NOL4L: variants seen among roughly 807,000 people sequenced by gnomAD.
NOL4L encodes nucleolar protein 4 like.
A neutral mutation model predicts 64.5 loss-of-function variants in NOL4L; 7 were observed. That is an observed-to-expected ratio of 0.11 (90% CI 0.06 to 0.20). The LOEUF (loss-of-function observed/expected upper bound fraction) is 0.20, where lower values mean the gene tolerates loss of function less well. Among genes scored for constraint, NOL4L ranks in the 10% least tolerant of loss-of-function variants. NOL4L has a pLI of 1.00. For missense variants in NOL4L, 680 were observed against 967.1 expected (o/e 0.70, Z 3.94); for synonymous variants, 413 against 401.0 (o/e 1.03, Z -0.36).
chr20:32,551,378 AATCATC>A (rs58444321), intron 1 of NOL4L, among the ~76,000 whole-genome samples: 53,641 of 149,438 alleles, frequency 0.36, 10,782 homozygotes, highest in East Asian at 0.62. Context: ...TCGGTCTCAA[AATCATC>A]ATCATCATCA....
rs1260282945 is a variant in NOL4L, at chr20:32,494,276, AAAAAAAC to A, written c.699+17064_699+17070del. ...GGGAAAAAAAAAAAAAAAAAAAAAA[AAAAAAAC>A]ACACAACACACACACACACACAAAC... On this transcript the variant is annotated intron_variant, in intron 4 of 10. Coordinates refer to ENST00000621426, the MANE Select transcript of NOL4L (RefSeq NM_001256798.2). Among the ~76,000 whole-genome samples the A allele has an allele frequency of 1.9e-3, 161 of 85,146 alleles. 14 individuals are homozygous for A. Among genetic ancestry groups the A allele is most frequent in the African/African-American group, 5.2e-3 (142 of 27,164 alleles). 55.9% of individuals were successfully genotyped at this position (85,146 alleles called of 152,430 possible). A position where few individuals can be genotyped will look rare whatever the true frequency, so the allele number is the denominator to read the frequency against.
intron 1 of NOL4L, among the ~76,000 whole-genome samples, chr20:32,544,305 C>T (rs759321614): frequency 9.7e-6 from 1 of 102,882 alleles, no homozygotes; most frequent in Admixed American, 1.1e-4. Flanking sequence ...AGGCAGGGGG[C>T]GGGTGGAGAA....
intron 4 of NOL4L, among the ~76,000 whole-genome samples, chr20:32,501,277 G>A (rs926144769): frequency 6.6e-6 from 1 of 152,166 alleles, no homozygotes; most frequent in Non-Finnish European, 1.5e-5. Flanking sequence ...AGAGAAAAAT[G>A]TCAAATTTCT....
intron 4 of NOL4L, among the ~76,000 whole-genome samples, chr20:32,495,196 C>A (rs1372649705): frequency 1.3e-5 from 2 of 152,248 alleles, no homozygotes; most frequent in Non-Finnish European, 2.9e-5. Context: ...ACTTCCTCAG[C>A]CACAGGAGTA....
At chr20:32,576,846 G>A (rs938974734) in intron 1 of NOL4L, among the ~76,000 whole-genome samples, 1 of 152,224 alleles carries the variant, frequency 6.6e-6, no homozygotes, top group Admixed American at 6.5e-5. Context: ...CCAGGTGGGA[G>A]GGCAGCCTTG....
At chr20:32,541,248 T>G (rs1441555477) in intron 1 of NOL4L, among the ~76,000 whole-genome samples, 1 of 152,140 alleles carries the variant, frequency 6.6e-6, no homozygotes, top group Non-Finnish European at 1.5e-5. Context: ...ACTCGACAAC[T>G]ATTTCAAAAC....
intron 10 of NOL4L, chr20:32,449,907 CCT>C (rs2012707875): frequency 6.6e-6 from 1 of 152,412 alleles, no homozygotes. Flanking sequence ...TTTCTTTTCT[CCT>C]CTCCCCAAGT....
chr20:32,511,834 G>A (rs1371399921), intron 3 of NOL4L, among the ~76,000 whole-genome samples: 17 of 152,014 alleles, frequency 1.1e-4, no homozygotes, highest in Admixed American at 2.0e-4. Flanking sequence ...GGGAGATCTC[G>A]TCTTTACAAA....
At position 32,456,223 on chromosome 20, in the gene NOL4L, C is replaced by G; in HGVS notation, c.1014G>C (p.Lys338Asn). Reference sequence around the variant, plus strand: ...TGCCAAGTGCCGTGGCCGGCGGGAGCTTGTCACACAGGTTGATGGGCTGAT... The same window carrying G: ...TGCCAAGTGCCGTGGCCGGCGGGAGGTTGTCACACAGGTTGATGGGCTGAT... ...AEDQPINLCD[K>N]LPPATALGTA... Residue 338 changes from lysine to asparagine, a missense_variant, in exon 6 of 11, where the codon AAG becomes AAC. Lys to Asn is a moderately conservative substitution (Grantham distance 94). Around this residue, in one of 4 missense-constraint regions of NOL4L, gnomAD observed 254 missense variants for 238.7 expected, o/e 1.06. Coordinates refer to ENST00000621426, the MANE Select transcript of NOL4L (RefSeq NM_001256798.2). The G allele has an allele frequency of 6.2e-7, 1 of 1,609,018 alleles. No individual in the cohort carries two copies. The highest frequency in any genetic ancestry group is 1.1e-5 in the South Asian group (1 of 90,180).
Position 32,459,532 on chromosome 20 carries a change from C to T in NOL4L, c.842-3137G>A, listed in dbSNP as rs534163197. ...CCAAGTTGCTGGGATTACAGGCGCCCGCCACCATATTCAGCTAATTTTGTG... is the reference window on the plus strand; with the variant it reads ...CCAAGTTGCTGGGATTACAGGCGCCTGCCACCATATTCAGCTAATTTTGTG... On this transcript the variant is annotated intron_variant, in intron 5 of 10. Coordinates refer to ENST00000621426, the MANE Select transcript of NOL4L (RefSeq NM_001256798.2). Among the ~76,000 whole-genome samples the T allele has an allele frequency of 3.3e-5, 5 of 151,838 alleles. No homozygotes were observed. The East Asian group carries it at 7.8e-4, about 24-fold the overall frequency.
intron 4 of NOL4L, among the ~76,000 whole-genome samples, chr20:32,497,910 G>A (rs139437337): frequency 1.7e-4 from 26 of 152,316 alleles, no homozygotes; most frequent in Admixed American, 1.0e-3. Context: ...CACACAAAGC[G>A]TCCCGAGGCC....
rs1043494372 is a variant in NOL4L at position 32,481,091 on chromosome 20, C to G, written c.700-6349G>C. 3.3e-5 allele frequency among the ~76,000 whole-genome samples: 5 copies of G among 152,232 alleles called. No homozygotes were observed. The South Asian group carries it at 1.0e-3, about 31-fold the overall frequency. On this transcript the variant is annotated intron_variant, in intron 4 of 10. Coordinates refer to ENST00000621426, the MANE Select transcript of NOL4L (RefSeq NM_001256798.2). ...TCACTCACACGCACACTGTGTCTGTCAGAAGCGTATTCCCATCTACATGTG... is the reference window on the plus strand; with the variant it reads ...TCACTCACACGCACACTGTGTCTGTGAGAAGCGTATTCCCATCTACATGTG...
At chr20:32,509,965 T>A (rs765271230) in intron 4 of NOL4L, 64 of 1,301,130 alleles carry the variant, frequency 4.9e-5, no homozygotes, top group Non-Finnish European at 1.5e-5. Flanking sequence ...GGCCACAGAT[T>A]GCTCTTCAGT....
intron 10 of NOL4L, 93 bp downstream of exon 10, chr20:32,452,143 G>T: frequency 1.7e-6 from 2 of 1,182,052 alleles, no homozygotes; most frequent in Non-Finnish European, 2.2e-6. Flanking sequence ...ACTGGCCTCT[G>T]CTTCCCTCTC....
intron 4 of NOL4L, among the ~76,000 whole-genome samples, chr20:32,488,805 T>TC (rs377521629): frequency 3.3e-5 from 1 of 30,204 alleles, no homozygotes; most frequent in South Asian, 1.0e-3. Flanking sequence ...CTTTCTTTCT[T>TC]TTTCTTTCTT....
chr20:32,494,283 CA>C (rs1249012238), intron 4 of NOL4L, among the ~76,000 whole-genome samples: 680 of 67,182 alleles, frequency 0.01, 39 homozygotes, highest in African/African-American at 0.046. Context: ...AAAAAAAAAA[CA>C]CACAACACAC....
At chr20:32,542,285 C>T (rs1388753814) in intron 1 of NOL4L, among the ~76,000 whole-genome samples, 1 of 152,252 alleles carries the variant, frequency 6.6e-6, no homozygotes. Context: ...TACAGCATGA[C>T]ATTTGAGAGC....
rs1029367131 is a variant in NOL4L, at chr20:32,541,662, TGGCCTTTGTTCCTG to T, written c.322-13763_322-13750del. 3.9e-5 allele frequency among the ~76,000 whole-genome samples: 6 copies of T among 152,360 alleles called. No individual in the cohort carries two copies. The Middle Eastern group carries it at 0.014, about 345-fold the overall frequency. On this transcript the variant is annotated intron_variant, in intron 1 of 10. Transcript: ENST00000621426. ...AGCTTCTCTCTGGGCCCCCACAAAC[TGGCCTTTGTTCCTG>T]GGCCGGCCAAGACCCAGCAGCTTGG...
intron 3 of NOL4L, among the ~76,000 whole-genome samples, chr20:32,515,364 G>A (rs1251863805): frequency 2.0e-5 from 3 of 152,120 alleles, no homozygotes; most frequent in Admixed American, 1.3e-4. Context: ...GAGTTCTGTG[G>A]GGGAGGGAGG....
Sources: allele counts gnomAD v4.1 joint callset (sites outside exome capture counted in the v4.1 genomes callset), GRCh38; gene constraint gnomAD v4.1.1; regional missense constraint gnomAD v4.1.1; transcripts MANE v1.5; gene names NCBI Gene and HGNC (gene_info 2026-07-23, HGNC 2026-07-21).